Variants in LYPD8 observed in about 807,000 individuals in gnomAD.
LYPD8 encodes the protein LY6/PLAUR domain containing 8.
Under a neutral mutation model 1.7 loss-of-function variants are expected in LYPD8, and 8 were observed. That is an observed-to-expected ratio of 4.58 (90% CI 2.69 to 8.27). The LOEUF (loss-of-function observed/expected upper bound fraction) is 8.27. Among genes scored for constraint, LYPD8 ranks in the 30% most tolerant of loss-of-function variants. The probability of loss-of-function intolerance (pLI) is 0.00; values close to 1 mark genes in which losing one functional copy is unlikely to be tolerated. For synonymous variants in LYPD8, 50 were observed against 43.6 expected, an observed-to-expected ratio of 1.15 and a Z score of -0.58; for missense variants, 112 against 102.3, an observed-to-expected ratio of 1.09 and a Z score of -0.41.
intron 2 of LYPD8, among the ~76,000 whole-genome samples, chr1:248,752,655 CA>C (rs1662822352): frequency 2.4e-5 from 3 of 126,704 alleles, no homozygotes; most frequent in East Asian, 5.2e-4. Context: ...ACACACAACA[CA>C]CACCACACAC....
chr1:248,739,864 G>C lies in LYPD8; in HGVS notation c.476-15C>G. The stretch of plus-strand genomic sequence containing the variant: ...AGACTCAATGTCTGTGAATGCAAAG[G>C]AGACAGGAGGGACGCCACTCAGTCC... On this transcript the variant is annotated splice_polypyrimidine_tract_variant and intron_variant, in intron 6 of 6. Transcript: ENST00000590317. This position sits in a 1 kb window ranked among gnomAD's most constrained non-coding sequence, Gnocchi z 4.3. 2 of 1,551,548 alleles carry C rather than the reference G, an allele frequency of 1.3e-6. No individual in the cohort carries two copies. The highest frequency in any genetic ancestry group is 1.2e-5 in the South Asian group (1 of 84,060).
chr1:248,740,306 G>A (rs1188142019), intron 6 of LYPD8, among the ~76,000 whole-genome samples: 2 of 152,178 alleles, frequency 1.3e-5, no homozygotes, highest in African/African-American at 4.8e-5. Context: ...ACTCCTCTCT[G>A]GACCTGAGTC....
At chr1:248,748,869 A>G (rs1662754049) in intron 4 of LYPD8, among the ~76,000 whole-genome samples, 1 of 152,222 alleles carries the variant, frequency 6.6e-6, no homozygotes, top group East Asian at 1.9e-4. Flanking sequence ...GAGCTATCTA[A>G]TATGGTAGCC....
At chr1:248,749,836 GACATGTACACACATACACATAT>G (rs1460485864) in intron 4 of LYPD8, among the ~76,000 whole-genome samples, 1 of 151,706 alleles carries the variant, frequency 6.6e-6, no homozygotes, top group African/African-American at 2.4e-5. Context: ...AATGACCGAT[GACATGTACACACATACACATAT>G]ATGTGTGTAC....
intron 2 of LYPD8, among the ~76,000 whole-genome samples, chr1:248,752,604 ACCC>A (rs1418754797): frequency 0.021 from 2,699 of 130,968 alleles, 75 homozygotes; most frequent in Non-Finnish European, 0.034. Flanking sequence ...CACCCCACAC[ACCC>A]CACACACATC....
At chr1:248,752,742 ACCACACACC>A (rs1662826211) in intron 2 of LYPD8, among the ~76,000 whole-genome samples, 2 of 94,528 alleles carry the variant, frequency 2.1e-5, no homozygotes, top group African/African-American at 8.0e-5. Flanking sequence ...CATCACACAC[ACCACACACC>A]CCACACACAC....
chr1:248,742,530 C>CCG (rs1553283540), intron 6 of LYPD8, among the ~76,000 whole-genome samples: 1 of 45,920 alleles, frequency 2.2e-5, no homozygotes. Flanking sequence ...ATGTTGGCAG[C>CCG]GGGGAGATTA....
intron 5 of LYPD8, 71 bp downstream of exon 5, chr1:248,748,218 A>G (rs1159972306): frequency 6.7e-5 from 22 of 326,186 alleles, no homozygotes; most frequent in Admixed American, 4.4e-4. Flanking sequence ...CCGCACGGCC[A>G]GCACCCACCC....
intron 2 of LYPD8, among the ~76,000 whole-genome samples, chr1:248,752,969 CA>C (rs1193292058): frequency 8.9e-4 from 110 of 123,178 alleles, no homozygotes; most frequent in Middle Eastern, 6.3e-3. Flanking sequence ...ACACCCCACA[CA>C]ACACACACAC....
chr1:248,754,779 A>G (rs1170737785), intron 2 of LYPD8, among the ~76,000 whole-genome samples: 1 of 152,130 alleles, frequency 6.6e-6, no homozygotes, highest in Non-Finnish European at 1.5e-5. Context: ...AATAAAGCAC[A>G]TCTGGTCTGG....
At chr1:248,752,874 ACCC>A (rs1662837600) in intron 2 of LYPD8, among the ~76,000 whole-genome samples, 3 of 105,862 alleles carry the variant, frequency 2.8e-5, no homozygotes, top group African/African-American at 4.5e-5. Context: ...CACACCACAC[ACCC>A]CACACAACAC....
chr1:248,753,175 A>T (rs1228246998), intron 2 of LYPD8, among the ~76,000 whole-genome samples: 2 of 110,546 alleles, frequency 1.8e-5, no homozygotes, highest in African/African-American at 3.6e-5. Flanking sequence ...CACACACCAC[A>T]TCACACACAC....
At chr1:248,744,911 TAG>T (rs1325090570) in intron 6 of LYPD8, among the ~76,000 whole-genome samples, 3 of 152,094 alleles carry the variant, frequency 2.0e-5, no homozygotes, top group African/African-American at 7.2e-5. Context: ...CACAGGAGAA[TAG>T]AGTTCAAGGG....
chr1:248,752,989 A>ACACACCC (rs1572156457), intron 2 of LYPD8, among the ~76,000 whole-genome samples: 13 of 54,264 alleles, frequency 2.4e-4, no homozygotes, highest in East Asian at 4.8e-4. Flanking sequence ...ACAACACAAC[A>ACACACCC]CACACACAAA....
intron 2 of LYPD8, among the ~76,000 whole-genome samples, chr1:248,753,011 ATACACACAC>A (rs2103173298): frequency 1.4e-5 from 1 of 71,590 alleles, no homozygotes; most frequent in African/African-American, 5.9e-5. Flanking sequence ...ACACCACATC[ATACACACAC>A]CACACACCCC....
At chr1:248,752,965 CACA>C (rs1662841421) in intron 2 of LYPD8, among the ~76,000 whole-genome samples, 3 of 114,816 alleles carry the variant, frequency 2.6e-5, no homozygotes, top group African/African-American at 1.1e-4. Context: ...CCAAACACCC[CACA>C]CAACACACAC....
At chr1:248,740,663 C>G (rs1662576202) in intron 6 of LYPD8, among the ~76,000 whole-genome samples, 1 of 148,220 alleles carries the variant, frequency 6.7e-6, no homozygotes, top group South Asian at 2.1e-4. Flanking sequence ...GCTCTAGGAC[C>G]AGGCATGAAG....
chr1:248,753,654 C>A (rs1384838005), intron 2 of LYPD8, among the ~76,000 whole-genome samples: 2 of 143,618 alleles, frequency 1.4e-5, no homozygotes, highest in East Asian at 4.5e-4. Flanking sequence ...ATACATCACA[C>A]ACCACACACC....
At chr1:248,752,908 C>CCACATCACACACACCCCACATCACA (rs1662839355) in intron 2 of LYPD8, among the ~76,000 whole-genome samples, 73 of 97,442 alleles carry the variant, frequency 7.5e-4, no homozygotes, top group African/African-American at 1.9e-3. Flanking sequence ...CACACACACC[C>CCACATCACACACACCCCACATCACA]CACACACCAA....
Sources: allele counts gnomAD v4.1 joint callset (sites outside exome capture counted in the v4.1 genomes callset), GRCh38; gene constraint gnomAD v4.1.1; non-coding constraint Gnocchi (gnomAD v3.1); transcripts MANE v1.5; gene names NCBI Gene and HGNC (gene_info 2026-07-23, HGNC 2026-07-21).